Variants in LRRTM3 observed in about 807,000 individuals in gnomAD.
The protein encoded by LRRTM3 is leucine rich repeat transmembrane neuronal 3, also known as leucine-rich repeat transmembrane neuronal protein 3.
LRRTM3 carries 24 observed loss-of-function variants against 44.7 expected under a neutral mutation model. The ratio of observed to expected loss-of-function variants is 0.54; its 90% CI spans 0.39 to 0.76. The LOEUF is 0.76. LRRTM3 is among the 30% of genes least tolerant of loss of function. LRRTM3 has a pLI of 0.00. For missense variants in LRRTM3, 587 were observed against 702.2 expected, an observed-to-expected ratio of 0.84 and a Z score of 1.85; for synonymous variants, 277 against 278.7, an observed-to-expected ratio of 0.99 and a Z score of 0.06.
chr10:67,018,973 T>C (rs1460676811), intron 2 of LRRTM3, among the ~76,000 whole-genome samples: 1 of 152,222 alleles, frequency 6.6e-6, no homozygotes, highest in African/African-American at 2.4e-5. Context: ...GTTTGTTAAC[T>C]AGTGACCCTT....
rs574762398 is a variant in LRRTM3, at chr10:66,974,195, GT to G, written c.1536+45748del. 2.6e-5 allele frequency among the ~76,000 whole-genome samples: 4 copies of G among 152,198 alleles called. No individual in the cohort carries two copies. In the South Asian group the frequency reaches 8.3e-4, roughly 32 times the overall value. ...ATACGAATGAAATCATTCAATGTAG[GT>G]TTTTGTTTCTTGCTTTCTTTTGCTC... On this transcript the variant is annotated intron_variant, in intron 2 of 2. Coordinates refer to ENST00000361320, the MANE Select transcript of LRRTM3 (RefSeq NM_178011.5).
intron 2 of LRRTM3, among the ~76,000 whole-genome samples, chr10:67,026,317 C>T (rs1853388200): frequency 6.6e-6 from 1 of 151,574 alleles, no homozygotes; most frequent in Admixed American, 6.6e-5. Context: ...AATCCAGATT[C>T]AAGTAGAGTT....
intron 2 of LRRTM3, among the ~76,000 whole-genome samples, chr10:66,979,121 C>T (rs762890700): frequency 2.0e-5 from 3 of 151,854 alleles, no homozygotes; most frequent in Non-Finnish European, 4.4e-5. Flanking sequence ...CCCACCACCA[C>T]ACCTGGCTAA....
chr10:67,064,898 G>C (rs1855978098), intron 2 of LRRTM3, among the ~76,000 whole-genome samples: 1 of 152,092 alleles, frequency 6.6e-6, no homozygotes, highest in Non-Finnish European at 1.5e-5. Flanking sequence ...AGCTAGTTCT[G>C]AGGAGAAAAA....
chr10:66,956,336 T>C (rs1035806967), intron 2 of LRRTM3, among the ~76,000 whole-genome samples: 2 of 151,892 alleles, frequency 1.3e-5, no homozygotes, highest in African/African-American at 4.8e-5. Context: ...GAGGGGATTC[T>C]TCCCAAGGGA....
intron 2 of LRRTM3, among the ~76,000 whole-genome samples, chr10:67,008,985 T>G (rs1417050498): frequency 6.6e-6 from 1 of 152,200 alleles, no homozygotes; most frequent in Non-Finnish European, 1.5e-5. Flanking sequence ...GTATATACTT[T>G]CTTGTACTCA....
intron 2 of LRRTM3, among the ~76,000 whole-genome samples, chr10:67,032,961 C>T (rs1026600796): frequency 1.2e-4 from 18 of 152,226 alleles, no homozygotes; most frequent in African/African-American, 4.3e-4. Flanking sequence ...GAATGGCTGG[C>T]TTTTGAAATT....
chr10:66,977,143 A>T (rs542806332), intron 2 of LRRTM3, among the ~76,000 whole-genome samples: 1 of 152,114 alleles, frequency 6.6e-6, no homozygotes, highest in Non-Finnish European at 1.5e-5. Context: ...TAATGGGTAG[A>T]ATATATAAAG....
At chr10:67,027,907 A>C (rs1029950779) in intron 2 of LRRTM3, among the ~76,000 whole-genome samples, 2 of 152,164 alleles carry the variant, frequency 1.3e-5, no homozygotes, top group African/African-American at 4.8e-5. Context: ...AATGATGATG[A>C]TATCACTTTA....
At chr10:67,070,222 T>G (rs1434087262) in intron 2 of LRRTM3, among the ~76,000 whole-genome samples, 1 of 152,198 alleles carries the variant, frequency 6.6e-6, no homozygotes, top group Non-Finnish European at 1.5e-5. Flanking sequence ...TGTTCAAGAC[T>G]TTTACTCACT....
chr10:67,060,917 G>A (rs1855722983), intron 2 of LRRTM3, among the ~76,000 whole-genome samples: 1 of 152,100 alleles, frequency 6.6e-6, no homozygotes, highest in South Asian at 2.1e-4. Flanking sequence ...GCATAGACTA[G>A]CCTATCTTGA....
At chr10:67,021,822 A>G (rs1853032525) in intron 2 of LRRTM3, among the ~76,000 whole-genome samples, 1 of 152,336 alleles carries the variant, frequency 6.6e-6, no homozygotes, top group East Asian at 1.9e-4. Flanking sequence ...AATGAAAGGA[A>G]GTACTATAAA....
chr10:66,982,789 T>C (rs1470379634), intron 2 of LRRTM3, among the ~76,000 whole-genome samples: 1 of 152,118 alleles, frequency 6.6e-6, no homozygotes, highest in Non-Finnish European at 1.5e-5. Context: ...AATACAGGTA[T>C]GAATGGAGTC....
chr10:67,087,803 T>C (rs1857392858), intron 2 of LRRTM3, among the ~76,000 whole-genome samples: 2 of 152,082 alleles, frequency 1.3e-5, no homozygotes, highest in African/African-American at 4.8e-5. Flanking sequence ...TTGTGATTTC[T>C]TCTCAGACTA....
At chr10:66,993,724 A>T (rs1039143396) in intron 2 of LRRTM3, among the ~76,000 whole-genome samples, 1 of 150,498 alleles carries the variant, frequency 6.6e-6, no homozygotes, top group African/African-American at 2.4e-5. Flanking sequence ...TAAAACCTCC[A>T]TCTTTCATTG....
At chr10:67,073,037 C>A (rs965584166) in intron 2 of LRRTM3, among the ~76,000 whole-genome samples, 1 of 152,188 alleles carries the variant, frequency 6.6e-6, no homozygotes, top group Non-Finnish European at 1.5e-5. Context: ...AGACACCTTC[C>A]GCCTAGGCCC....
chr10:66,981,123 C>T lies in LRRTM3; in HGVS notation c.1536+52671C>T, dbSNP rs566524723. Among the ~76,000 whole-genome samples, 8 of 152,162 alleles carry T rather than the reference C, an allele frequency of 5.3e-5. 1 individual carries two copies. In the South Asian group the frequency reaches 1.7e-3, roughly 32 times the overall value. ...TTCTCCATGTTGGTCAGGCTGGTCTCGAACTCCTAACCTCATGTGATCCAC... is the reference window on the plus strand; with the variant it reads ...TTCTCCATGTTGGTCAGGCTGGTCTTGAACTCCTAACCTCATGTGATCCAC... On this transcript the variant is annotated intron_variant, in intron 2 of 2. Coordinates refer to ENST00000361320, the MANE Select transcript of LRRTM3 (RefSeq NM_178011.5).
chr10:66,960,709 A>T (rs1409138325), intron 2 of LRRTM3, among the ~76,000 whole-genome samples: 3 of 152,164 alleles, frequency 2.0e-5, no homozygotes, highest in Non-Finnish European at 1.5e-5. Flanking sequence ...AATATTCCAA[A>T]TTAAAATTTT....
chr10:66,988,014 C>A (rs1850828685), intron 2 of LRRTM3, among the ~76,000 whole-genome samples: 1 of 152,098 alleles, frequency 6.6e-6, no homozygotes, highest in African/African-American at 2.4e-5. Context: ...GCTTTAGTAT[C>A]AAAACTTTAT....
Sources: allele counts gnomAD v4.1 joint callset (sites outside exome capture counted in the v4.1 genomes callset), GRCh38; gene constraint gnomAD v4.1.1; transcripts MANE v1.5; gene names NCBI Gene and HGNC (gene_info 2026-07-23, HGNC 2026-07-21).